LRRC37A2: variants seen among roughly 807,000 people sequenced by gnomAD.
LRRC37A2 encodes leucine-rich repeat-containing protein 37A2.
Under a neutral mutation model 68.8 loss-of-function variants are expected in LRRC37A2, and 9 were observed. The ratio of observed to expected loss-of-function variants is 0.13; its 90% CI spans 0.08 to 0.23. The LOEUF (loss-of-function observed/expected upper bound fraction) is 0.23. LRRC37A2 is among the 10% of genes least tolerant of loss of function. The pLI is 1.00. For synonymous variants in LRRC37A2, 63 were observed against 367.6 expected (o/e 0.17, Z 9.48); for missense variants, 168 against 950.4 (o/e 0.18, Z 10.82).
At chr17:46,823,122 T>A in the LRRC37A2 span, among the ~76,000 whole-genome samples, 6 of 131,674 alleles carry the variant, frequency 4.6e-5, 1 homozygote, top group East Asian at 6.1e-4. Flanking sequence ...TATTATATAT[T>A]ATATATTATA....
chr17:46,732,869 A>T, the LRRC37A2 span, among the ~76,000 whole-genome samples: 1 of 152,162 alleles, frequency 6.6e-6, no homozygotes, highest in African/African-American at 2.4e-5. Context: ...TTCTCTGAGA[A>T]CTCAGCAGCA....
chr17:46,730,313 T>G, the LRRC37A2 span, among the ~76,000 whole-genome samples: 1 of 152,146 alleles, frequency 6.6e-6, no homozygotes, highest in Non-Finnish European at 1.5e-5. Context: ...ATAGTTCTTC[T>G]TTTTTAGCTG....
chr17:46,938,565 T>C, the LRRC37A2 span: 2 of 1,611,926 alleles, frequency 1.2e-6, no homozygotes, highest in Non-Finnish European at 1.7e-6. Context: ...AGCGACTTGA[T>C]GTTTGTTTTT....
chr17:46,873,321 T>C, the LRRC37A2 span, among the ~76,000 whole-genome samples: 1 of 143,962 alleles, frequency 6.9e-6, no homozygotes, highest in East Asian at 2.3e-4. Flanking sequence ...CCACTAAGCA[T>C]CCATGGAGGC....
chr17:46,811,905 CA>C, the LRRC37A2 span, among the ~76,000 whole-genome samples: 1 of 152,084 alleles, frequency 6.6e-6, no homozygotes, highest in Non-Finnish European at 1.5e-5. Flanking sequence ...TGCAGTGAGC[CA>C]AGATTGTGCC....
chr17:46,943,060 G>C, the LRRC37A2 span, among the ~76,000 whole-genome samples: 1 of 152,186 alleles, frequency 6.6e-6, no homozygotes, highest in African/African-American at 2.4e-5. Context: ...GAGTGCAGCC[G>C]GGGCATTGGG....
At chr17:46,842,574 G>T in the LRRC37A2 span, among the ~76,000 whole-genome samples, 2 of 152,002 alleles carry the variant, frequency 1.3e-5, no homozygotes, top group African/African-American at 4.8e-5. Flanking sequence ...ATCTTGCTTT[G>T]GTGCCCAGAG....
At chr17:46,935,787 G>A in the LRRC37A2 span, 7 of 986,882 alleles carry the variant, frequency 7.1e-6, no homozygotes, top group Non-Finnish European at 8.4e-6. Context: ...GCCCCTGGGA[G>A]TGGTTTACAG....
chr17:46,535,095 T>A (rs1405274702), intron 6 of LRRC37A2, among the ~76,000 whole-genome samples: 1 of 148,320 alleles, frequency 6.7e-6, no homozygotes, highest in Non-Finnish European at 1.5e-5. Context: ...GGTTTTACTC[T>A]ATTGCCAGTG....
At chr17:46,957,480 G>A in the LRRC37A2 span, among the ~76,000 whole-genome samples, 1 of 152,186 alleles carries the variant, frequency 6.6e-6, no homozygotes, top group East Asian at 1.9e-4. Context: ...AGGTGTGGTG[G>A]TGGGTGCCTG....
chr17:46,500,738 G>A, the LRRC37A2 span, among the ~76,000 whole-genome samples: 13 of 151,060 alleles, frequency 8.6e-5, no homozygotes, highest in African/African-American at 3.0e-4. Flanking sequence ...TCAATGAGTA[G>A]CAAAGTTTGA....
chr17:47,018,547 C>T, the LRRC37A2 span: 1 of 1,520,208 alleles, frequency 6.6e-7, no homozygotes, highest in African/African-American at 1.4e-5. Context: ...GTAGAACCTC[C>T]CACCATCCAG....
At chr17:47,025,101 ATTAAG>A in the LRRC37A2 span, among the ~76,000 whole-genome samples, 1 of 152,202 alleles carries the variant, frequency 6.6e-6, no homozygotes, top group African/African-American at 2.4e-5. Context: ...TAAATAGCCC[ATTAAG>A]TTAAGAATGG....
chr17:46,881,168 C>A, the LRRC37A2 span, among the ~76,000 whole-genome samples: 2 of 152,328 alleles, frequency 1.3e-5, no homozygotes, highest in African/African-American at 4.8e-5. Flanking sequence ...CTGGCTCAGG[C>A]CTGCCCTGCC....
chr17:46,935,955 C>T, the LRRC37A2 span: 1 of 985,874 alleles, frequency 1.0e-6, no homozygotes, highest in Non-Finnish European at 1.2e-6. Flanking sequence ...GAGAAACAGT[C>T]ACTCGGAAGT....
At chr17:46,835,125 G>A in the LRRC37A2 span, among the ~76,000 whole-genome samples, 7 of 152,296 alleles carry the variant, frequency 4.6e-5, no homozygotes, top group East Asian at 1.4e-3. Flanking sequence ...CTCCTGAGTA[G>A]CTGGCACTAC....
At chr17:46,978,877 G>A in the LRRC37A2 span, 1 of 1,560,298 alleles carries the variant, frequency 6.4e-7, no homozygotes, top group Non-Finnish European at 8.6e-7. Context: ...GGCGGCCAGC[G>A]GTGCGCCCCC....
chr17:46,636,057 G>GT, the LRRC37A2 span, among the ~76,000 whole-genome samples: 13 of 48,338 alleles, frequency 2.7e-4, no homozygotes, highest in Middle Eastern at 8.5e-3. Flanking sequence ...TAAGAATCAA[G>GT]TTTTTTTTTC....
chr17:47,029,712 T>A, the LRRC37A2 span, among the ~76,000 whole-genome samples: 1 of 152,190 alleles, frequency 6.6e-6, no homozygotes, highest in South Asian at 2.1e-4. Context: ...TTAGGTAGCA[T>A]CAATACAAAT....
Sources: gnomAD v4.1 joint callset for allele counts (sites outside exome capture counted in the v4.1 genomes callset) on GRCh38, gnomAD v4.1.1 for gene constraint, MANE v1.5 for transcripts, NCBI Gene and HGNC (gene_info 2026-07-23, HGNC 2026-07-21) for gene names.